The following ZBTB20 variants were observed in gnomAD, a reference collection of about 807,000 sequenced individuals.
ZBTB20 encodes zinc finger and BTB domain containing 20.
In ZBTB20, 9 loss-of-function variants were observed where a neutral mutation model predicts 56.9. The observed-to-expected ratio is 0.16, with a 90% CI of 0.10 to 0.28. The LOEUF (loss-of-function observed/expected upper bound fraction) is 0.28. Ranked by LOEUF, ZBTB20 falls within the 10% of genes least tolerant of loss-of-function variation. The pLI, the probability that ZBTB20 is intolerant of heterozygous loss-of-function variation, is 1.00. For missense variants in ZBTB20, 655 were observed against 1,003.0 expected (o/e 0.65, Z 4.69); for synonymous variants, 417 against 420.7 (o/e 0.99, Z 0.11).
intron 3 of ZBTB20, among the ~76,000 whole-genome samples, chr3:114,938,622 T>C (rs1331877247): frequency 6.9e-6 from 1 of 145,196 alleles, no homozygotes; most frequent in Non-Finnish European, 1.5e-5. Flanking sequence ...AGCTGAACAA[T>C]GAGAACACAT....
chr3:114,683,284 A>T (rs1411257342), intron 6 of ZBTB20, among the ~76,000 whole-genome samples: 1 of 152,184 alleles, frequency 6.6e-6, no homozygotes, highest in Non-Finnish European at 1.5e-5. Context: ...ACACTGAGGT[A>T]CAGAAAGAGA....
intron 7 of ZBTB20, among the ~76,000 whole-genome samples, chr3:114,459,770 A>T (rs1246796598): frequency 2.6e-5 from 4 of 152,152 alleles, no homozygotes; most frequent in African/African-American, 9.6e-5. Flanking sequence ...GCTAGTGAAA[A>T]GCACTTGTTT....
chr3:114,797,264 AAACTT>A (rs2071396189), intron 5 of ZBTB20, among the ~76,000 whole-genome samples: 1 of 151,738 alleles, frequency 6.6e-6, no homozygotes, highest in Non-Finnish European at 1.5e-5. Context: ...GTGATCTTTT[AAACTT>A]TCATGACCTA....
In ZBTB20 at chr3:114,593,267, A is replaced by G. The variant is rs539547251; in HGVS notation, c.-294-92876T>C. ...TTTTGAGATGAAAGTTGGCAAGTAG[A>G]TTTTTCAATAAGGCGGGGTGGGAAT... On this transcript the variant is annotated intron_variant, in intron 6 of 11. Transcript: ENST00000675478. Among the ~76,000 whole-genome samples, 338 of 152,192 alleles carry G rather than the reference A, an allele frequency of 2.2e-3. 2 individuals carry two copies. Among genetic ancestry groups the G allele is most frequent in the African/African-American group, 7.8e-3 (324 of 41,518 alleles).
At chr3:115,143,744 C>T (rs2084885869) in intron 1 of ZBTB20, among the ~76,000 whole-genome samples, 1 of 151,998 alleles carries the variant, frequency 6.6e-6, no homozygotes, top group Admixed American at 6.6e-5. Flanking sequence ...AAAAAAATCC[C>T]TATCTGTTAA....
chr3:115,128,383 C>T (rs1033370036), intron 1 of ZBTB20, among the ~76,000 whole-genome samples: 2 of 151,876 alleles, frequency 1.3e-5, no homozygotes, highest in African/African-American at 4.8e-5. Context: ...GCAAAGATTG[C>T]CTGCATGTAG....
intron 7 of ZBTB20, among the ~76,000 whole-genome samples, chr3:114,449,816 G>A (rs2091492266): frequency 6.6e-6 from 1 of 151,632 alleles, no homozygotes; most frequent in African/African-American, 2.4e-5. Context: ...TCTTTGCTCT[G>A]TAAGCACAGA....
At chr3:114,662,725 G>C (rs1415314579) in intron 6 of ZBTB20, among the ~76,000 whole-genome samples, 5 of 149,276 alleles carry the variant, frequency 3.3e-5, no homozygotes, top group Admixed American at 3.3e-4. Context: ...GTCTGTTCAT[G>C]TCCTTCGCCC....
chr3:114,745,558 T>C (rs1374654666), intron 5 of ZBTB20, among the ~76,000 whole-genome samples: 1 of 152,178 alleles, frequency 6.6e-6, no homozygotes, highest in Non-Finnish European at 1.5e-5. Flanking sequence ...TTCTGTCTCT[T>C]AGTCAAATAA....
chr3:114,768,905 CA>C (rs1056217191), intron 5 of ZBTB20, among the ~76,000 whole-genome samples: 3 of 152,140 alleles, frequency 2.0e-5, no homozygotes, highest in Non-Finnish European at 4.4e-5. Flanking sequence ...ACACAGTACT[CA>C]AAAAGTATTC....
chr3:114,502,983 A>G (rs895168180), intron 6 of ZBTB20: 4 of 152,206 alleles, frequency 2.6e-5, no homozygotes, highest in Non-Finnish European at 4.4e-5. Context: ...TTCTAAAATT[A>G]TACCTAGTGT....
intron 4 of ZBTB20, among the ~76,000 whole-genome samples, chr3:114,894,403 A>G (rs1203142854): frequency 1.3e-5 from 2 of 152,186 alleles, no homozygotes; most frequent in African/African-American, 4.8e-5. Flanking sequence ...AAGTCACTCA[A>G]TAAATGTTAA....
rs373979393 is a variant in ZBTB20, at chr3:114,499,034, CCAGT to C, written c.-255+1314_-255+1317del. ...AAAGAACTGTAACAAAAATGATTTG[CCAGT>C]CAGAGGACTAGAAATATGCAGTGCT... On this transcript the variant is annotated intron_variant, in intron 7 of 11. Transcript: ENST00000675478. Among the ~76,000 whole-genome samples the C allele has an allele frequency of 3.2e-3, 494 of 152,276 alleles. 1 individual carries two copies. Among genetic ancestry groups the C allele is most frequent in the Non-Finnish European group, 5.5e-3 (372 of 68,022 alleles).
At chr3:114,559,763 C>G (rs2051766693) in intron 6 of ZBTB20, among the ~76,000 whole-genome samples, 2 of 152,100 alleles carry the variant, frequency 1.3e-5, no homozygotes, top group Admixed American at 1.3e-4. Context: ...TTTCCAGCAC[C>G]AACTCTGGGG....
intron 1 of ZBTB20, among the ~76,000 whole-genome samples, chr3:115,133,393 T>A (rs1053051934): frequency 5.9e-5 from 9 of 152,202 alleles, no homozygotes; most frequent in Non-Finnish European, 8.8e-5. Context: ...AAAATTCATA[T>A]AACATAAACT....
At chr3:114,579,657 A>T (rs561227423) in intron 6 of ZBTB20, among the ~76,000 whole-genome samples, 2 of 151,498 alleles carry the variant, frequency 1.3e-5, no homozygotes, top group East Asian at 3.9e-4. Context: ...TTTTGTAAAG[A>T]AGTAAATGAA....
At chr3:114,361,132 T>C (rs2081832347) in intron 10 of ZBTB20, among the ~76,000 whole-genome samples, 1 of 152,006 alleles carries the variant, frequency 6.6e-6, no homozygotes, top group East Asian at 1.9e-4. Context: ...TAGCTAACAT[T>C]CAAATTATCT....
At chr3:114,543,097 T>C (rs575183533) in intron 6 of ZBTB20, among the ~76,000 whole-genome samples, 6 of 152,284 alleles carry the variant, frequency 3.9e-5, no homozygotes, top group Non-Finnish European at 8.8e-5. Context: ...GATGCTCAAG[T>C]CCCTCATATG....
At chr3:115,081,545 A>G (rs944478936) in intron 1 of ZBTB20, among the ~76,000 whole-genome samples, 7 of 152,154 alleles carry the variant, frequency 4.6e-5, no homozygotes, top group African/African-American at 1.7e-4. Context: ...AGGGCCCTTA[A>G]TAGATATTTA....
Sources: gnomAD v4.1 joint callset for allele counts (sites outside exome capture counted in the v4.1 genomes callset) on GRCh38, gnomAD v4.1.1 for gene constraint, MANE v1.5 for transcripts, NCBI Gene and HGNC (gene_info 2026-07-23, HGNC 2026-07-21) for gene names.